Variants in WNK1 observed in about 807,000 individuals in gnomAD.
WNK1 encodes WNK lysine deficient protein kinase 1.
Under a neutral mutation model 222.8 loss-of-function variants are expected in WNK1, and 38 were observed. That is an observed-to-expected ratio of 0.17 (90% CI 0.13 to 0.22). The LOEUF is 0.22. Ranked by LOEUF, WNK1 falls within the 10% of genes least tolerant of loss-of-function variation. WNK1 has a pLI of 1.00. For missense variants in WNK1, 2,348 were observed against 2,918.4 expected (o/e 0.80, Z 4.50); for synonymous variants, 1,090 against 1,092.9 (o/e 1.00, Z 0.05).
intron 4 of WNK1, among the ~76,000 whole-genome samples, chr12:831,463 G>A (rs11064558): frequency 0.12 from 18,239 of 151,644 alleles, 1,433 homozygotes; most frequent in Middle Eastern, 0.19. Context: ...TCTGGAACCC[G>A]GGAGATGGAG....
chr12:859,107 A>T, intron 5 of WNK1, 138 bp from the exon 6 acceptor site: 1 of 730,102 alleles, frequency 1.4e-6, no homozygotes, highest in East Asian at 2.7e-5. Context: ...AGCAATGTAA[A>T]AATGAGTTAT....
At chr12:855,384 A>C (rs1950708155) in intron 4 of WNK1, among the ~76,000 whole-genome samples, 1 of 152,162 alleles carries the variant, frequency 6.6e-6, no homozygotes, top group African/African-American at 2.4e-5. Flanking sequence ...AATTCTCCAA[A>C]TTGGGTCTTC....
chr12:845,912 A>G (rs1002849069), intron 4 of WNK1, among the ~76,000 whole-genome samples: 2 of 152,288 alleles, frequency 1.3e-5, no homozygotes, highest in Non-Finnish European at 2.9e-5. Flanking sequence ...AGTGCTTTAC[A>G]TATACTGTTT....
intron 2 of WNK1, among the ~76,000 whole-genome samples, chr12:820,053 G>C (rs997828611): frequency 6.6e-6 from 1 of 152,108 alleles, no homozygotes; most frequent in Non-Finnish European, 1.5e-5. Context: ...GGGTCTTCTT[G>C]AAATTCCATG....
chr12:850,856 G>A (rs1011016571), intron 4 of WNK1, among the ~76,000 whole-genome samples: 1 of 152,094 alleles, frequency 6.6e-6, no homozygotes, highest in Non-Finnish European at 1.5e-5. Flanking sequence ...TTTTTGTCAG[G>A]TTTGTCAAAG....
intron 8 of WNK1, among the ~76,000 whole-genome samples, chr12:863,090 T>G (rs1424325722): frequency 2.6e-5 from 4 of 151,600 alleles, no homozygotes; most frequent in Non-Finnish European, 1.5e-5. Flanking sequence ...TGAAAGGTAT[T>G]AGAAAATAAG....
At chr12:901,243 G>A (rs1170992480) in intron 26 of WNK1, among the ~76,000 whole-genome samples, 4 of 152,268 alleles carry the variant, frequency 2.6e-5, no homozygotes, top group African/African-American at 4.8e-5. Flanking sequence ...AAAAATATAG[G>A]TACTGGCTTA....
rs1320125644 is a variant in WNK1 at position 885,209 on chromosome 12, C to G, written c.4405C>G (p.Pro1469Ala). The change falls in exon 19 of 28, where the codon CCT (proline) becomes GCT (alanine). Residue 1469 changes from proline (P) to alanine (A), a missense_variant. Around this residue, in one of 13 missense-constraint regions of WNK1, gnomAD observed 1,144 missense variants for 1,273.6 expected, o/e 0.90. Coordinates refer to ENST00000315939, the MANE Select transcript of WNK1 (RefSeq NM_018979.4). Reference sequence around the variant, plus strand: ...AGGGGGCAGTACTGCTACCCCAGGTCCTAAGCCTCCAGCTGTAGTATCTCA... The same window carrying G: ...AGGGGGCAGTACTGCTACCCCAGGTGCTAAGCCTCCAGCTGTAGTATCTCA... ...SAGGSTATPG[P>A]KPPAVVSQQA... is the part of the protein sequence containing the mutation. The G allele has an allele frequency of 1.9e-6, 3 of 1,614,172 alleles. No individual in the cohort carries two copies. The highest frequency in any genetic ancestry group is 1.7e-5 in the Admixed American group (1 of 60,012).
intron 9 of WNK1, among the ~76,000 whole-genome samples, chr12:877,345 G>A (rs1052424165): frequency 6.6e-6 from 1 of 152,018 alleles, no homozygotes; most frequent in African/African-American, 2.4e-5. Context: ...GATTACAGGC[G>A]TGAGCCACCG....
rs1267239983 is a variant in WNK1 at position 880,948 on chromosome 12, A to G, written c.3060A>G (p.Gly1020=). Residue 1020 remains glycine (G), a synonymous_variant, in exon 12 of 28, where the codon GGA becomes GGG. Coordinates refer to ENST00000315939, the MANE Select transcript of WNK1 (RefSeq NM_018979.4). ...GACAGGTTCAAGTGTCCCAGCCAGGAGGGAGTTTAGCACAAGCCCCCACTA... is the reference window on the plus strand; with the variant it reads ...GACAGGTTCAAGTGTCCCAGCCAGGGGGGAGTTTAGCACAAGCCCCCACTA... ...VGGQVQVSQP[G]GSLAQAPTTS... 2 of 1,614,018 alleles carry G rather than the reference A, an allele frequency of 1.2e-6. No individual in the cohort carries two copies. The highest frequency in any genetic ancestry group is 2.7e-5 in the African/African-American group (2 of 74,892).
At chr12:898,076 C>T (rs1954900179) in intron 25 of WNK1, among the ~76,000 whole-genome samples, 1 of 152,158 alleles carries the variant, frequency 6.6e-6, no homozygotes, top group Non-Finnish European at 1.5e-5. Context: ...TAATGGATGA[C>T]TTAGTCATAA....
In WNK1 at chr12:813,645, C is replaced by A. The variant is rs764593537; in HGVS notation, c.763C>A (p.Arg255=). 64 of 1,612,712 alleles carry A rather than the reference C, an allele frequency of 4.0e-5. No individual in the cohort carries two copies. The highest frequency in any genetic ancestry group is 4.4e-5 in the South Asian group (4 of 90,958). The change falls in exon 2 of 28, where the codon CGA becomes AGA. Residue 255 remains arginine (R), a synonymous_variant. Coordinates refer to ENST00000315939, the MANE Select transcript of WNK1 (RefSeq NM_018979.4). Reference sequence around the variant, plus strand: ...CTGTTTTGGTTTTTGATTTTAGGATCGAAAATTAACAAAGTCTGAGAGGCA... The same window carrying A: ...CTGTTTTGGTTTTTGATTTTAGGATAGAAAATTAACAAAGTCTGAGAGGCA... ...VEVAWCELQD[R]KLTKSERQRF... is the part of the protein sequence containing the mutation.
chr12:773,749 G>T (rs1942804231), intron 1 of WNK1, among the ~76,000 whole-genome samples: 1 of 152,102 alleles, frequency 6.6e-6, no homozygotes, highest in Non-Finnish European at 1.5e-5. Flanking sequence ...GATCATAGGT[G>T]TATGTTTGCA....
chr12:854,665 A>G (rs967345699), intron 4 of WNK1, among the ~76,000 whole-genome samples: 1 of 152,134 alleles, frequency 6.6e-6, no homozygotes, highest in South Asian at 2.1e-4. Context: ...TATCTTTACA[A>G]AAAGAAAGTT....
In WNK1 at chr12:884,969, A is replaced by C; in HGVS notation, c.4165A>C (p.Ser1389Arg). The C allele has an allele frequency of 6.2e-7, 1 of 1,614,210 alleles. No homozygotes were observed. Among genetic ancestry groups the C allele is most frequent in the Non-Finnish European group, 8.5e-7 (1 of 1,180,038 alleles). Residue 1389 changes from serine to arginine, a missense_variant, in exon 19 of 28, where the codon AGC (serine) becomes CGC (arginine). Transcript: ENST00000315939. The surrounding 1 kb of genome is among the most constrained non-coding windows in gnomAD (Gnocchi z 5.6). ...AGAGGGGATTGCTGGAGTTGCCACC[A>C]GCACAGGTGTGGTAACTTCAGGTGG... ...TEEGIAGVAT[S>R]TGVVTSGGLP...
At chr12:853,284 A>G (rs1950538159) in intron 4 of WNK1, among the ~76,000 whole-genome samples, 1 of 152,310 alleles carries the variant, frequency 6.6e-6, no homozygotes, top group Non-Finnish European at 1.5e-5. Context: ...CTATATCTTA[A>G]TATCTTTTGC....
chr12:758,372 TC>T, intron 1 of WNK1, among the ~76,000 whole-genome samples: 2 of 105,398 alleles, frequency 1.9e-5, no homozygotes, highest in Non-Finnish European at 4.1e-5. Flanking sequence ...TTGCTATAGT[TC>T]TTTTTTTTTT....
At chr12:819,261 G>A (rs1947640918) in intron 2 of WNK1, among the ~76,000 whole-genome samples, 1 of 152,130 alleles carries the variant, frequency 6.6e-6, no homozygotes, top group Admixed American at 6.5e-5. Context: ...CCAGATCCAT[G>A]ATATGCAGAT....
chr12:890,119 A>G (rs965322359), intron 21 of WNK1, among the ~76,000 whole-genome samples: 9 of 151,680 alleles, frequency 5.9e-5, no homozygotes, highest in Non-Finnish European at 1.2e-4. Context: ...CACCCGGCTA[A>G]TTTTTGTGTT....
Sources: allele counts gnomAD v4.1 joint callset (sites outside exome capture counted in the v4.1 genomes callset), GRCh38; gene constraint gnomAD v4.1.1; regional missense constraint gnomAD v4.1.1; non-coding constraint Gnocchi (gnomAD v3.1); transcripts MANE v1.5; gene names NCBI Gene and HGNC (gene_info 2026-07-23, HGNC 2026-07-21).